Variants in FRMPD4 observed in about 807,000 individuals in gnomAD.
The protein encoded by FRMPD4 is FERM and PDZ domain containing 4, also known as FERM and PDZ domain-containing protein 4.
Under a neutral mutation model 94.1 loss-of-function variants are expected in FRMPD4, and 22 were observed. The observed-to-expected ratio is 0.23, with a 90% confidence interval of 0.17 to 0.33. FRMPD4 has a LOEUF of 0.33. FRMPD4 is among the 10% of genes least tolerant of loss of function. The pLI is 1.00. For missense variants in FRMPD4, 1,111 were observed against 1,339.9 expected, an observed-to-expected ratio of 0.83 and a Z score of 2.67; for synonymous variants, 631 against 548.6, an observed-to-expected ratio of 1.15 and a Z score of -2.10.
At chrX:12,299,337 C>CGAA (rs1223381525) in intron 1 of FRMPD4, among the ~76,000 whole-genome samples, 1 of 108,275 alleles carries the variant, frequency 9.2e-6, no homozygotes, top group Non-Finnish European at 1.9e-5. Flanking sequence ...AAGAAGAAGA[C>CGAA]GAAGAAGAAG....
chrX:12,615,654 T>A (rs913687195), intron 4 of FRMPD4, among the ~76,000 whole-genome samples: 3 of 111,286 alleles, frequency 2.7e-5, no homozygotes, highest in Admixed American at 9.5e-5. Context: ...ACATGACATT[T>A]GTCTTTTATA....
chrX:12,699,485 C>T lies in FRMPD4; in HGVS notation c.934-2389C>T, dbSNP rs1316177927. Among the ~76,000 whole-genome samples the T allele has an allele frequency of 1.8e-5, 2 of 112,766 alleles. 1 individual carries two copies. The highest frequency in any genetic ancestry group is 5.6e-4 in the East Asian group (2 of 3,598). On this transcript the variant is annotated intron_variant, in intron 9 of 16. Coordinates refer to ENST00000675598, the MANE Select transcript of FRMPD4 (RefSeq NM_001368397.1). The stretch of plus-strand genomic sequence containing the variant: ...GACATGCACCCATGGCACGTGGATA[C>T]AGAGCGTGCACGCACGGCACAGCAC...
intron 1 of FRMPD4, among the ~76,000 whole-genome samples, chrX:12,318,798 A>G (rs2055163831): frequency 9.0e-6 from 1 of 111,542 alleles, no homozygotes; most frequent in Non-Finnish European, 1.9e-5. Flanking sequence ...ACACAGAGAA[A>G]TGATAAATGT....
At chrX:12,655,310 T>G in intron 4 of FRMPD4, among the ~76,000 whole-genome samples, 1 of 112,266 alleles carries the variant, frequency 8.9e-6, no homozygotes, top group Non-Finnish European at 1.9e-5. Context: ...TTGTTCAGTG[T>G]GGTTTCATGT....
intron 3 of FRMPD4, among the ~76,000 whole-genome samples, chrX:12,125,809 G>A (rs1737041106): frequency 8.9e-6 from 1 of 112,096 alleles, no homozygotes; most frequent in South Asian, 3.7e-4. Flanking sequence ...CTTCTCCTAC[G>A]TTGAAGAGGG....
At chrX:12,023,351 G>A (rs1243857278) in intron 3 of FRMPD4, among the ~76,000 whole-genome samples, 1 of 111,463 alleles carries the variant, frequency 9.0e-6, no homozygotes, top group Non-Finnish European at 1.9e-5. Context: ...GGAGACCCAA[G>A]AAGTTCAGAC....
chrX:12,036,039 G>A (rs769882324), intron 3 of FRMPD4, among the ~76,000 whole-genome samples: 76 of 111,942 alleles, frequency 6.8e-4, no homozygotes, highest in African/African-American at 2.4e-3. Context: ...TGCTATCAAA[G>A]TACTTTACAT....
intron 2 of FRMPD4, among the ~76,000 whole-genome samples, chrX:12,525,838 G>A (rs1285590403): frequency 9.0e-6 from 1 of 111,610 alleles, no homozygotes; most frequent in Non-Finnish European, 1.9e-5. Flanking sequence ...GAGTGAAGTG[G>A]CATCTGATTG....
intron 1 of FRMPD4, among the ~76,000 whole-genome samples, chrX:12,207,676 A>C (rs949764171): frequency 8.4e-5 from 9 of 107,514 alleles, no homozygotes; most frequent in Non-Finnish European, 1.5e-4. Flanking sequence ...GCTCAAGCAG[A>C]AGGTGGCATT....
chrX:11,861,933 T>C (rs1319003452), intron 1 of FRMPD4, among the ~76,000 whole-genome samples: 2 of 111,746 alleles, frequency 1.8e-5, no homozygotes, highest in Non-Finnish European at 1.9e-5. Flanking sequence ...CTGCTTGGCT[T>C]CTGGGGAGGC....
intron 1 of FRMPD4, among the ~76,000 whole-genome samples, chrX:12,229,812 C>T (rs1415370664): frequency 3.6e-5 from 4 of 112,157 alleles, no homozygotes; most frequent in African/African-American, 1.3e-4. Context: ...CCAGCTGCTT[C>T]CATTTCTTTG....
chrX:12,234,011 A>G (rs1399226914), intron 1 of FRMPD4, among the ~76,000 whole-genome samples: 2 of 54,480 alleles, frequency 3.7e-5, no homozygotes, highest in Admixed American at 2.6e-4. Flanking sequence ...TTTATAATTT[A>G]TTTCCTCTCT....
intron 3 of FRMPD4, among the ~76,000 whole-genome samples, chrX:11,980,060 AT>A (rs2054389285): frequency 9.0e-6 from 1 of 111,671 alleles, no homozygotes; most frequent in Non-Finnish European, 1.9e-5. Context: ...TATGTGGTAG[AT>A]TTATGCTGTC....
intron 1 of FRMPD4, among the ~76,000 whole-genome samples, chrX:12,329,633 C>T (rs770711968): frequency 9.0e-6 from 1 of 110,515 alleles, no homozygotes; most frequent in African/African-American, 3.3e-5. Flanking sequence ...TTCCAACAAC[C>T]CAGAGCCCTT....
intron 3 of FRMPD4, among the ~76,000 whole-genome samples, chrX:12,123,021 C>T (rs960736063): frequency 9.0e-6 from 1 of 110,876 alleles, no homozygotes; most frequent in African/African-American, 3.3e-5. Flanking sequence ...GCTGAGGACC[C>T]AACCACCTAA....
chrX:12,237,106 T>G (rs932447845), intron 1 of FRMPD4, among the ~76,000 whole-genome samples: 21 of 112,443 alleles, frequency 1.9e-4, no homozygotes, highest in African/African-American at 6.8e-4. Flanking sequence ...TTTTCTAACA[T>G]TAATATATAT....
chrX:12,347,289 G>A, intron 1 of FRMPD4, among the ~76,000 whole-genome samples: 1 of 111,048 alleles, frequency 9.0e-6, no homozygotes, highest in Non-Finnish European at 1.9e-5. Context: ...CCAGGCTGGA[G>A]TGCAGTGGCG....
intron 1 of FRMPD4, among the ~76,000 whole-genome samples, chrX:12,396,502 T>C (rs914755042): frequency 8.9e-6 from 1 of 112,363 alleles, no homozygotes; most frequent in Non-Finnish European, 1.9e-5. Context: ...CATTAACTTA[T>C]AGGTGAATAT....
chrX:12,193,603 AG>A (rs1487812843), intron 1 of FRMPD4, among the ~76,000 whole-genome samples: 2 of 105,282 alleles, frequency 1.9e-5, no homozygotes, highest in African/African-American at 6.9e-5. Context: ...TAAGTTGGCA[AG>A]TGTTATAATG....
Sources: allele counts gnomAD v4.1 joint callset (sites outside exome capture counted in the v4.1 genomes callset), GRCh38; gene constraint gnomAD v4.1.1; transcripts MANE v1.5; gene names NCBI Gene and HGNC (gene_info 2026-07-23, HGNC 2026-07-21).